Variants in PRELID2 observed in about 807,000 individuals in gnomAD.
The protein encoded by PRELID2 is PRELI domain-containing protein 2.
A neutral mutation model predicts 28.4 loss-of-function variants in PRELID2; 25 were observed. That is an observed-to-expected ratio of 0.88 (90% CI 0.64 to 1.23). The LOEUF is 1.23. PRELID2 is among the 50% of genes most tolerant of loss of function. The pLI is 0.00. For missense variants in PRELID2, 201 were observed against 214.4 expected, an observed-to-expected ratio of 0.94 and a Z score of 0.39; for synonymous variants, 76 against 71.6, an observed-to-expected ratio of 1.06 and a Z score of -0.31.
the PRELID2 span, among the ~76,000 whole-genome samples, chr5:145,343,882 C>T: frequency 6.6e-6 from 1 of 151,692 alleles, no homozygotes; most frequent in Admixed American, 6.6e-5. Context: ...CTATTATAAA[C>T]AGATATATAC....
At chr5:145,572,728 T>C (rs780267667) in intron 1 of PRELID2, among the ~76,000 whole-genome samples, 2 of 152,196 alleles carry the variant, frequency 1.3e-5, no homozygotes, top group Non-Finnish European at 2.9e-5. Flanking sequence ...TCCCTGTACC[T>C]GCCTCCTTTA....
At chr5:145,423,104 C>T in the PRELID2 span, among the ~76,000 whole-genome samples, 45 of 151,832 alleles carry the variant, frequency 3.0e-4, no homozygotes, top group African/African-American at 6.8e-4. Context: ...CCGAGAGATC[C>T]GCTGTTAGTC....
chr5:145,755,247 T>C (rs1385085143), downstream of PRELID2, among the ~76,000 whole-genome samples: 1 of 152,218 alleles, frequency 6.6e-6, no homozygotes, highest in African/African-American at 2.4e-5. Flanking sequence ...TTTTGCTTGT[T>C]GACTTTCTGG....
chr5:145,583,393 C>T (rs1383476311), intron 1 of PRELID2, among the ~76,000 whole-genome samples: 1 of 152,110 alleles, frequency 6.6e-6, no homozygotes, highest in Admixed American at 6.6e-5. Flanking sequence ...GACAAGGATG[C>T]CCTCTCTCAC....
intron 1 of PRELID2, among the ~76,000 whole-genome samples, chr5:145,831,659 G>A (rs1755596494): frequency 2.0e-5 from 3 of 152,134 alleles, no homozygotes; most frequent in Non-Finnish European, 2.9e-5. Flanking sequence ...AGAAAGAAAG[G>A]AAGTACAGTG....
chr5:145,304,883 A>C, the PRELID2 span, among the ~76,000 whole-genome samples: 1 of 151,914 alleles, frequency 6.6e-6, no homozygotes, highest in Non-Finnish European at 1.5e-5. Flanking sequence ...GCACACACAC[A>C]TATATATAGT....
intron 2 of PRELID2, 72 bp downstream of exon 2, chr5:145,823,005 A>G: frequency 2.4e-6 from 2 of 835,468 alleles, no homozygotes; most frequent in Non-Finnish European, 4.1e-6. Context: ...CCACACACAC[A>G]CGTACACACA....
At chr5:145,380,708 C>T in the PRELID2 span, among the ~76,000 whole-genome samples, 13 of 152,132 alleles carry the variant, frequency 8.5e-5, no homozygotes, top group East Asian at 1.9e-4. Flanking sequence ...TTTGGATTCC[C>T]TCACTATAAT....
the PRELID2 span, among the ~76,000 whole-genome samples, chr5:145,334,426 T>C: frequency 6.6e-6 from 1 of 152,218 alleles, no homozygotes; most frequent in Non-Finnish European, 1.5e-5. Flanking sequence ...TCATGTAATA[T>C]ATTATTGTTG....
At chr5:145,417,694 CA>C in the PRELID2 span, among the ~76,000 whole-genome samples, 1 of 152,164 alleles carries the variant, frequency 6.6e-6, no homozygotes, top group African/African-American at 2.4e-5. Flanking sequence ...CAAAATTCAA[CA>C]TCCCTTCATG....
the PRELID2 span, among the ~76,000 whole-genome samples, chr5:145,307,639 G>T: frequency 4.6e-5 from 7 of 152,112 alleles, no homozygotes; most frequent in Non-Finnish European, 8.8e-5. Context: ...AGTCATTTGA[G>T]GTCGAGTATT....
chr5:145,508,838 C>A (rs553667507), intron 1 of PRELID2, among the ~76,000 whole-genome samples: 2 of 152,114 alleles, frequency 1.3e-5, no homozygotes, highest in Non-Finnish European at 2.9e-5. Context: ...CAAAAATAAC[C>A]GGCCTGGCAT....
At chr5:145,327,560 A>G in the PRELID2 span, among the ~76,000 whole-genome samples, 4 of 152,042 alleles carry the variant, frequency 2.6e-5, no homozygotes, top group Non-Finnish European at 5.9e-5. Flanking sequence ...TTGTCTTTTA[A>G]TTCATTCTGT....
At chr5:145,659,580 G>C (rs1415425892) in intron 1 of PRELID2, among the ~76,000 whole-genome samples, 11 of 152,178 alleles carry the variant, frequency 7.2e-5, no homozygotes, top group Admixed American at 7.2e-4. Context: ...GCTTAGAATG[G>C]GATGTGGGGA....
chr5:145,327,229 A>G, the PRELID2 span, among the ~76,000 whole-genome samples: 1 of 151,980 alleles, frequency 6.6e-6, no homozygotes, highest in Non-Finnish European at 1.5e-5. Flanking sequence ...GAATTCTCCC[A>G]TTATTATTGT....
chr5:145,730,085 A>C (rs887657424), intron 1 of PRELID2, among the ~76,000 whole-genome samples: 1 of 152,184 alleles, frequency 6.6e-6, no homozygotes, highest in African/African-American at 2.4e-5. Context: ...TTCCAGAGCC[A>C]CAAGGGGATT....
chr5:145,804,569 G>A (rs1753368469), intron 4 of PRELID2, among the ~76,000 whole-genome samples: 1 of 152,018 alleles, frequency 6.6e-6, no homozygotes, highest in Non-Finnish European at 1.5e-5. Flanking sequence ...AGCCTATTGT[G>A]GTAAAGCATT....
At chr5:145,388,589 C>T in the PRELID2 span, among the ~76,000 whole-genome samples, 7 of 152,186 alleles carry the variant, frequency 4.6e-5, no homozygotes, top group East Asian at 1.3e-3. Flanking sequence ...ACACAATTGG[C>T]TCCTTCCTAC....
chr5:145,259,464 C>T, the PRELID2 span, among the ~76,000 whole-genome samples: 2 of 152,142 alleles, frequency 1.3e-5, no homozygotes. Context: ...GGAAACCCAC[C>T]CTTTGCACCA....
Sources: allele counts gnomAD v4.1 joint callset (sites outside exome capture counted in the v4.1 genomes callset), GRCh38; gene constraint gnomAD v4.1.1; transcripts MANE v1.5; gene names NCBI Gene and HGNC (gene_info 2026-07-23, HGNC 2026-07-21).